NAALADL2: variants seen among roughly 807,000 people sequenced by gnomAD.
The protein encoded by NAALADL2 is N-acetylated alpha-linked acidic dipeptidase like 2, also known as inactive N-acetylated-alpha-linked acidic dipeptidase-like protein 2.
Under a neutral mutation model 87.2 loss-of-function variants are expected in NAALADL2, and 76 were observed. That is an observed-to-expected ratio of 0.87 (90% CI 0.72 to 1.05). NAALADL2 has a LOEUF of 1.05. Ranked by LOEUF, NAALADL2 falls within the 50% of genes least tolerant of loss-of-function variation. The pLI is 0.00. For synonymous variants in NAALADL2, 354 were observed against 331.0 expected (o/e 1.07, Z -0.75); for missense variants, 1,089 against 945.8 (o/e 1.15, Z -1.99).
chr3:174,944,545 A>G (rs1739121156), intron 1 of NAALADL2, among the ~76,000 whole-genome samples: 3 of 152,178 alleles, frequency 2.0e-5, no homozygotes, highest in African/African-American at 2.4e-5. Flanking sequence ...GCAGACTGTC[A>G]CTGCTTAGCA....
intron 11 of NAALADL2, among the ~76,000 whole-genome samples, chr3:175,646,766 C>T (rs1295774415): frequency 6.6e-6 from 1 of 152,060 alleles, no homozygotes; most frequent in Non-Finnish European, 1.5e-5. Context: ...TCAAGACTGA[C>T]CACTTAATGA....
chr3:175,292,764 C>T (rs1755796417), intron 4 of NAALADL2, among the ~76,000 whole-genome samples: 1 of 151,790 alleles, frequency 6.6e-6, no homozygotes, highest in Admixed American at 6.6e-5. Context: ...CGTCCGGGCG[C>T]GGGTGGCTCA....
At chr3:174,679,784 G>A (rs1195843227) in intron 2 of NAALADL2, among the ~76,000 whole-genome samples, 1 of 152,110 alleles carries the variant, frequency 6.6e-6, no homozygotes, top group African/African-American at 2.4e-5. Context: ...ATAATATATT[G>A]CAAAATATTA....
chr3:174,953,297 T>TCCTCTCCCCCCCCCCC (rs1740651836), intron 1 of NAALADL2, among the ~76,000 whole-genome samples: 13 of 59,316 alleles, frequency 2.2e-4, no homozygotes, highest in Admixed American at 5.0e-4. Context: ...CTTTCTTGCC[T>TCCTCTCCCCCCCCCCC]CCCCTCCCCT....
intron 2 of NAALADL2, among the ~76,000 whole-genome samples, chr3:174,558,840 C>G (rs1713201544): frequency 6.6e-6 from 1 of 152,082 alleles, no homozygotes; most frequent in South Asian, 2.1e-4. Context: ...GTACCTTCCC[C>G]AAATTCCTGA....
chr3:175,656,676 G>A (rs1448404266), intron 11 of NAALADL2, among the ~76,000 whole-genome samples: 1 of 152,050 alleles, frequency 6.6e-6, no homozygotes, highest in African/African-American at 2.4e-5. Flanking sequence ...CCTCAAAGGT[G>A]TGCAGAGGAA....
intron 2 of NAALADL2, among the ~76,000 whole-genome samples, chr3:175,145,841 A>G (rs950629594): frequency 6.7e-6 from 1 of 149,106 alleles, no homozygotes; most frequent in Non-Finnish European, 1.5e-5. Context: ...TCTTCCTACC[A>G]CTTCAAATAA....
At chr3:174,969,721 T>G (rs1743355874) in intron 1 of NAALADL2, among the ~76,000 whole-genome samples, 1 of 152,176 alleles carries the variant, frequency 6.6e-6, no homozygotes, top group African/African-American at 2.4e-5. Flanking sequence ...ATTGAAATCT[T>G]ACCCTTGATG....
intron 10 of NAALADL2, among the ~76,000 whole-genome samples, chr3:175,602,735 T>C (rs1313172866): frequency 6.6e-6 from 1 of 152,170 alleles, no homozygotes; most frequent in Non-Finnish European, 1.5e-5. Context: ...AGCACAGTGT[T>C]GTGGGAACTG....
chr3:175,702,546 A>G lies in NAALADL2; in HGVS notation c.1897-34760A>G, dbSNP rs368095376. Among the ~76,000 whole-genome samples, 11 of 152,314 alleles carry G rather than the reference A, an allele frequency of 7.2e-5. No homozygotes were observed. In the South Asian group the frequency reaches 2.1e-3, roughly 29 times the overall value. On this transcript the variant is annotated intron_variant, in intron 11 of 13. Transcript: ENST00000454872. ...AGTATGCTTAAATAAAAAGAAAAAT[A>G]GCACTATATTGAAAATGTCCAATAA...
chr3:175,736,607 T>C (rs1744537162), intron 11 of NAALADL2, among the ~76,000 whole-genome samples: 1 of 152,236 alleles, frequency 6.6e-6, no homozygotes, highest in East Asian at 1.9e-4. Flanking sequence ...TGGCTACAGA[T>C]ATCAACATAC....
intron 10 of NAALADL2, among the ~76,000 whole-genome samples, chr3:175,585,538 T>C (rs1045950374): frequency 2.0e-5 from 3 of 152,216 alleles, no homozygotes; most frequent in African/African-American, 7.2e-5. Context: ...AATTTATAAA[T>C]ACTGACAAGA....
chr3:174,767,443 A>G (rs921735364), intron 3 of NAALADL2, among the ~76,000 whole-genome samples: 1 of 152,150 alleles, frequency 6.6e-6, no homozygotes, highest in African/African-American at 2.4e-5. Flanking sequence ...CCTGGATCTA[A>G]CATTCATGTT....
At chr3:174,798,610 G>A (rs73050152) in intron 3 of NAALADL2, among the ~76,000 whole-genome samples, 11,961 of 151,130 alleles carry the variant, frequency 0.079, 510 homozygotes, top group Middle Eastern at 0.15. Flanking sequence ...TTCTTTCAAT[G>A]ATTTTTTTTA....
chr3:175,463,666 C>T lies in NAALADL2; in HGVS notation c.1327+173C>T, dbSNP rs983299455. Among the ~76,000 whole-genome samples, 8 of 146,094 alleles carry T rather than the reference C, an allele frequency of 5.5e-5. No homozygotes were observed. The East Asian group carries it at 1.4e-3, about 25-fold the overall frequency. Reference sequence around the variant, plus strand: ...AAGAAGTGGGTCTTCCTTCTCTTTCCTACCGTATCTCTTCTAAAATAAATC... The same window carrying T: ...AAGAAGTGGGTCTTCCTTCTCTTTCTTACCGTATCTCTTCTAAAATAAATC... On this transcript the variant is annotated intron_variant, in intron 7 of 13. Transcript: ENST00000454872.
intron 5 of NAALADL2, among the ~76,000 whole-genome samples, chr3:175,336,144 C>A (rs1330530906): frequency 6.6e-6 from 1 of 151,972 alleles, no homozygotes; most frequent in East Asian, 1.9e-4. Context: ...TTTCCACCTT[C>A]CGTTCTCTTT....
chr3:175,488,696 C>T (rs1348555777), intron 9 of NAALADL2, among the ~76,000 whole-genome samples: 2 of 152,212 alleles, frequency 1.3e-5, no homozygotes, highest in African/African-American at 4.8e-5. Context: ...CCATACTTCA[C>T]ATGCCTGCTC....
Position 175,472,284 on chromosome 3 carries a change from CAT to C in NAALADL2, c.1653+531_1653+532del, listed in dbSNP as rs541512539. 7.4e-4 allele frequency among the ~76,000 whole-genome samples: 113 copies of C among 152,036 alleles called. No individual in the cohort carries two copies. In the East Asian group the frequency reaches 9.7e-3, roughly 13 times the overall value. ...ATGTTTTCTTAGTATCCTGAAAAAT[CAT>C]ATATTTTTTATGTTTCATTGGAGTT... On this transcript the variant is annotated intron_variant, in intron 9 of 13. Transcript: ENST00000454872.
At chr3:175,123,179 T>G (rs1423796338) in intron 2 of NAALADL2, among the ~76,000 whole-genome samples, 1 of 151,900 alleles carries the variant, frequency 6.6e-6, no homozygotes, top group Non-Finnish European at 1.5e-5. Context: ...AAAATTACCT[T>G]TAAAATTTTT....
Sources: allele counts gnomAD v4.1 joint callset (sites outside exome capture counted in the v4.1 genomes callset), GRCh38; gene constraint gnomAD v4.1.1; transcripts MANE v1.5; gene names NCBI Gene and HGNC (gene_info 2026-07-23, HGNC 2026-07-21).